Variants in FAT3 observed in about 807,000 individuals in gnomAD.
The protein encoded by FAT3 is protocadherin Fat 3.
In FAT3, 95 loss-of-function variants were observed where a neutral mutation model predicts 310.2. That is an observed-to-expected ratio of 0.31 (90% CI 0.26 to 0.36). The LOEUF (loss-of-function observed/expected upper bound fraction) is 0.36, where lower values mean the gene tolerates loss of function less well. Among genes scored for constraint, FAT3 ranks in the 10% least tolerant of loss-of-function variants. FAT3 has a pLI of 1.00. For missense variants in FAT3, 5,408 were observed against 5,715.6 expected (o/e 0.95, Z 1.74); for synonymous variants, 2,314 against 2,192.9 (o/e 1.06, Z -1.54).
chr11:92,670,870 T>C (rs1277170138), intron 3 of FAT3, among the ~76,000 whole-genome samples: 3 of 152,154 alleles, frequency 2.0e-5, no homozygotes, highest in Non-Finnish European at 4.4e-5. Flanking sequence ...AGGAAGCCTC[T>C]GAATCCCAGG....
intron 2 of FAT3, among the ~76,000 whole-genome samples, chr11:92,431,002 T>G (rs1487058666): frequency 1.3e-5 from 2 of 152,214 alleles, no homozygotes; most frequent in Admixed American, 1.3e-4. Flanking sequence ...GCAGCATGAT[T>G]TATAATCCTT....
intron 4 of FAT3, among the ~76,000 whole-genome samples, chr11:92,717,961 G>T (rs1944737477): frequency 6.6e-6 from 1 of 152,084 alleles, no homozygotes; most frequent in Non-Finnish European, 1.5e-5. Flanking sequence ...TGCAAAAAAT[G>T]GCCACAAATT....
At position 92,890,730 on chromosome 11, in the gene FAT3, T is replaced by A. The variant is rs1180182007; in HGVS notation, c.13387T>A (p.Tyr4463Asn). 1 of 1,613,440 alleles carries A rather than the reference T, an allele frequency of 6.2e-7. No homozygotes were observed. ...TCTCCCGGAGGACTTCCCAGACCAATATGAGGCCCTGCCACCCTCCCAGCC... is the reference window on the plus strand; with the variant it reads ...TCTCCCGGAGGACTTCCCAGACCAAAATGAGGCCCTGCCACCCTCCCAGCC... ...PPLPEDFPDQ[Y>N]EALPPSQPVS... The change falls in exon 28 of 28, where the codon TAT (tyrosine) becomes AAT (asparagine). Residue 4463 changes from tyrosine (Y) to asparagine (N), a missense_variant. This residue lies in a region of FAT3 where 649 missense variants were observed against 666.2 expected (regional missense o/e 0.97). Transcript: ENST00000525166.
At chr11:92,263,602 G>A (rs1271273619) in intron 1 of FAT3, among the ~76,000 whole-genome samples, 1 of 151,164 alleles carries the variant, frequency 6.6e-6, no homozygotes, top group Non-Finnish European at 1.5e-5. Flanking sequence ...AGTGATAAAT[G>A]TGGTATTTGA....
At chr11:92,469,579 ATC>A (rs1402222048) in intron 2 of FAT3, among the ~76,000 whole-genome samples, 1 of 151,596 alleles carries the variant, frequency 6.6e-6, no homozygotes, top group African/African-American at 2.4e-5. Flanking sequence ...CAGTGGTGCG[ATC>A]TCGGCTCACT....
chr11:92,679,143 T>C (rs1250966054), intron 3 of FAT3, among the ~76,000 whole-genome samples: 1 of 152,220 alleles, frequency 6.6e-6, no homozygotes, highest in Admixed American at 6.5e-5. Flanking sequence ...ATTCCTTTTA[T>C]GGCTGAATAG....
intron 13 of FAT3, among the ~76,000 whole-genome samples, chr11:92,825,532 G>A (rs538661109): frequency 7.7e-4 from 117 of 152,236 alleles, no homozygotes; most frequent in South Asian, 5.0e-3. Context: ...GGAGAAGAGG[G>A]CAAAGCACAA....
chr11:92,824,476 T>C (rs10741446), intron 13 of FAT3, among the ~76,000 whole-genome samples: 70,879 of 152,018 alleles, frequency 0.47, 18,495 homozygotes, highest in East Asian at 0.8. Flanking sequence ...GAAGACAAAC[T>C]ATAATGGAGA....
chr11:92,474,576 G>T (rs1457671957), intron 2 of FAT3, among the ~76,000 whole-genome samples: 2 of 152,052 alleles, frequency 1.3e-5, no homozygotes, highest in African/African-American at 4.8e-5. Context: ...GGTGTCAAAA[G>T]GCCTTAGACA....
chr11:92,743,819 A>G (rs1219588633), intron 4 of FAT3, among the ~76,000 whole-genome samples: 1 of 152,312 alleles, frequency 6.6e-6, no homozygotes, highest in East Asian at 1.9e-4. Flanking sequence ...TAACAGGGGA[A>G]CTGGGGGCTT....
At position 92,524,730 on chromosome 11, in the gene FAT3, C is replaced by A. The variant is rs1175766078; in HGVS notation, c.3389C>A (p.Ser1130Tyr). The part of the protein sequence containing the change: ...ATDRGVVPLY[S>Y]TIEVYIEVED... ...GACAGGGGCGTTGTTCCACTCTACT[C>A]CACCATTGAGGTCTACATTGAAGTT... The change falls in exon 3 of 28, where the codon TCC becomes TAC. Residue 1130 changes from serine (S) to tyrosine (Y), a missense_variant. Around this residue, in one of 5 missense-constraint regions of FAT3, gnomAD observed 4,588 missense variants for 4,809.8 expected, o/e 0.95. Transcript: ENST00000525166. The A allele has an allele frequency of 6.2e-7, 1 of 1,613,786 alleles. No individual in the cohort carries two copies. The highest frequency in any genetic ancestry group is 8.5e-7 in the Non-Finnish European group (1 of 1,179,818).
intron 2 of FAT3, among the ~76,000 whole-genome samples, chr11:92,444,668 G>A (rs897738624): frequency 7.4e-6 from 1 of 135,170 alleles, no homozygotes; most frequent in East Asian, 2.5e-4. Context: ...CTGGGGGGGG[G>A]GGAAAACATA....
chr11:92,827,976 C>T (rs186625340), intron 13 of FAT3, among the ~76,000 whole-genome samples: 25 of 152,260 alleles, frequency 1.6e-4, no homozygotes, highest in African/African-American at 5.3e-4. Context: ...TCTCCATCCT[C>T]ATTAAATTAG....
intron 3 of FAT3, among the ~76,000 whole-genome samples, chr11:92,589,257 T>TA (rs1390616518): frequency 5.3e-5 from 8 of 152,138 alleles, no homozygotes; most frequent in African/African-American, 7.2e-5. Context: ...TACCCATTTG[T>TA]AAAAAAAGGC....
chr11:92,761,751 G>T, intron 4 of FAT3, 105 bp from the exon 5 acceptor site: 1 of 987,020 alleles, frequency 1.0e-6, no homozygotes, highest in South Asian at 1.7e-5. Flanking sequence ...AAAAGAATTT[G>T]GATAGGATAG....
chr11:92,298,445 G>A (rs1277941481), intron 1 of FAT3, among the ~76,000 whole-genome samples: 3 of 152,026 alleles, frequency 2.0e-5, no homozygotes, highest in African/African-American at 7.2e-5. Flanking sequence ...CCTATGTACA[G>A]TCACATCTCC....
intron 15 of FAT3, among the ~76,000 whole-genome samples, chr11:92,835,636 G>T (rs1948386802): frequency 6.6e-6 from 1 of 151,964 alleles, no homozygotes. Flanking sequence ...ACATCACTTT[G>T]TACCCCATAA....
chr11:92,479,496 G>T (rs1952157755), intron 2 of FAT3, among the ~76,000 whole-genome samples: 1 of 152,124 alleles, frequency 6.6e-6, no homozygotes. Context: ...CTAAAATTAA[G>T]GCTCAATATT....
intron 3 of FAT3, among the ~76,000 whole-genome samples, chr11:92,696,111 A>T (rs1174516498): frequency 7.9e-6 from 1 of 126,770 alleles, no homozygotes; most frequent in African/African-American, 3.0e-5. Flanking sequence ...TTTACTATAT[A>T]TATATATACC....
Sources: gnomAD v4.1 joint callset for allele counts (sites outside exome capture counted in the v4.1 genomes callset) on GRCh38, gnomAD v4.1.1 for gene constraint, gnomAD v4.1.1 regional missense constraint, MANE v1.5 for transcripts, NCBI Gene and HGNC (gene_info 2026-07-23, HGNC 2026-07-21) for gene names.